Variants in TPR observed in about 807,000 individuals in gnomAD.
TPR encodes the protein translocated promoter region, nuclear basket protein.
In TPR, 51 loss-of-function variants were observed where a neutral mutation model predicts 316.1. The ratio of observed to expected loss-of-function variants is 0.16; its 90% CI spans 0.13 to 0.20. The LOEUF is 0.20. TPR is among the 10% of genes least tolerant of loss of function. The pLI, the probability that TPR is intolerant of heterozygous loss-of-function variation, is 1.00. For synonymous variants in TPR, 981 were observed against 914.7 expected (o/e 1.07, Z -1.31); for missense variants, 2,272 against 2,754.8 (o/e 0.82, Z 3.92).
chr1:186,343,195 C>G (rs528449429), intron 27 of TPR, 131 bp downstream of exon 27: 1 of 1,236,488 alleles, frequency 8.1e-7, no homozygotes, highest in East Asian at 2.4e-5. Flanking sequence ...TTAACAAATG[C>G]TTAATGAATT....
intron 46 of TPR, among the ~76,000 whole-genome samples, chr1:186,320,074 G>C (rs1430263016): frequency 6.6e-6 from 1 of 152,158 alleles, no homozygotes. Context: ...CCAGGAGCCA[G>C]AAGAGATACT....
chr1:186,358,870 CAG>C (rs1190254536), intron 12 of TPR, among the ~76,000 whole-genome samples: 1 of 152,070 alleles, frequency 6.6e-6, no homozygotes, highest in Non-Finnish European at 1.5e-5. Flanking sequence ...TCACTTTCAA[CAG>C]AGAGAAAAAT....
intron 36 of TPR, among the ~76,000 whole-genome samples, chr1:186,333,706 T>C (rs935606296): frequency 6.6e-6 from 1 of 152,172 alleles, no homozygotes; most frequent in Non-Finnish European, 1.5e-5. Context: ...TTAAGCATCA[T>C]TTAGTTTTTA....
intron 6 of TPR, 120 bp downstream of exon 6, chr1:186,362,717 A>T (rs1036723223): frequency 9.0e-6 from 8 of 886,474 alleles, no homozygotes; most frequent in Non-Finnish European, 1.3e-5. Flanking sequence ...TGCATTATTC[A>T]CATTTAACCA....
At chr1:186,355,332 T>C (rs1490343280) in intron 17 of TPR, 78 bp downstream of exon 17, 2 of 1,477,826 alleles carry the variant, frequency 1.4e-6, no homozygotes, top group East Asian at 2.3e-5. Context: ...TATTGCAAAT[T>C]AGCTCTTGAA....
intron 28 of TPR, 31 bp downstream of exon 28, chr1:186,341,221 T>C (rs1007804960): frequency 1.9e-6 from 3 of 1,613,240 alleles, no homozygotes; most frequent in African/African-American, 2.7e-5. Flanking sequence ...AAAAACAACA[T>C]GCTTCCACTC....
intron 1 of TPR, among the ~76,000 whole-genome samples, chr1:186,373,995 A>T (rs1020362275): frequency 1.3e-5 from 2 of 152,200 alleles, no homozygotes; most frequent in Non-Finnish European, 2.9e-5. Flanking sequence ...TTATGGTGCA[A>T]ATTAATAAAT....
At chr1:186,374,741 G>T in intron 1 of TPR, 137 bp downstream of exon 1, 1 of 886,988 alleles carries the variant, frequency 1.1e-6, no homozygotes, top group East Asian at 2.6e-5. Context: ...GCAGGAAAGC[G>T]AAGGCTCAGG....
intron 41 of TPR, 50 bp from the exon 42 acceptor site, chr1:186,325,904 A>C (rs1329844621): frequency 6.3e-7 from 1 of 1,593,964 alleles, no homozygotes; most frequent in Non-Finnish European, 8.6e-7. Flanking sequence ...AAATATGTTA[A>C]AAAAACCGGA....
At chr1:186,368,951 ACATT>A (rs1190957548) in intron 3 of TPR, among the ~76,000 whole-genome samples, 1 of 152,172 alleles carries the variant, frequency 6.6e-6, no homozygotes, top group Non-Finnish European at 1.5e-5. Context: ...CAAACATCCA[ACATT>A]CATTTCTTCA....
chr1:186,360,033 T>C, intron 11 of TPR, 37 bp from the exon 12 acceptor site: 3 of 1,575,824 alleles, frequency 1.9e-6, no homozygotes, highest in Non-Finnish European at 1.7e-6. Context: ...AATCTAACCA[T>C]AACAACGCAA....
intron 40 of TPR, among the ~76,000 whole-genome samples, chr1:186,326,880 A>G (rs960342055): frequency 2.1e-5 from 3 of 144,266 alleles, no homozygotes; most frequent in African/African-American, 5.1e-5. Context: ...AAAATGAAAC[A>G]AAATTTTAAA....
intron 2 of TPR, among the ~76,000 whole-genome samples, chr1:186,371,803 T>C (rs1044234329): frequency 2.0e-5 from 3 of 152,176 alleles, no homozygotes; most frequent in African/African-American, 7.2e-5. Flanking sequence ...TTCTATTTTG[T>C]TTTAATATTA....
Position 186,339,773 on chromosome 1 carries a change from C to A in TPR, c.4021-1G>T. The A allele has an allele frequency of 6.4e-7, 1 of 1,565,250 alleles. No individual in the cohort carries two copies. Among genetic ancestry groups the A allele is most frequent in the Non-Finnish European group, 8.6e-7 (1 of 1,161,410 alleles). Reference sequence around the variant, plus strand: ...GATCTTTCTGTTGACTTACTAGATGCTAGAATAACAAAAATGCATACTTGA... The same window carrying A: ...GATCTTTCTGTTGACTTACTAGATGATAGAATAACAAAAATGCATACTTGA... On this transcript the variant is annotated splice_acceptor_variant, in intron 29 of 50. Coordinates refer to ENST00000367478, the MANE Select transcript of TPR (RefSeq NM_003292.3). LOFTEE classifies it high-confidence loss of function.
chr1:186,370,787 C>T (rs948263669), intron 3 of TPR, among the ~76,000 whole-genome samples, 183 bp downstream of exon 3: 18 of 152,004 alleles, frequency 1.2e-4, no homozygotes, highest in African/African-American at 1.9e-4. Context: ...AAGAGATGTC[C>T]AATCTATCAA....
Position 186,312,501 on chromosome 1 carries a change from A to G in TPR, c.*1470T>C. ...TAATAATTTAAGCTTACTGATGAAA[A>G]ACTCATCCACTTGCCTTAGTGAATA... On this transcript the variant is annotated 3_prime_UTR_variant, in exon 51 of 51. Coordinates refer to ENST00000367478, the MANE Select transcript of TPR (RefSeq NM_003292.3). The G allele has an allele frequency of 1.0e-6, 1 of 986,722 alleles. No homozygotes were observed. Among genetic ancestry groups the G allele is most frequent in the Non-Finnish European group, 1.5e-6 (1 of 676,524 alleles). 61.1% of individuals were successfully genotyped at this position (986,722 alleles called of 1,614,324 possible).
chr1:186,354,024 T>A, intron 17 of TPR, 174 bp from the exon 18 acceptor site: 1 of 528,682 alleles, frequency 1.9e-6, no homozygotes, highest in Non-Finnish European at 3.2e-6. Flanking sequence ...TAGAAATAAC[T>A]CCAGGAACAG....
intron 39 of TPR, among the ~76,000 whole-genome samples, chr1:186,331,167 G>A (rs1020131519): frequency 6.6e-6 from 1 of 151,884 alleles, no homozygotes; most frequent in Non-Finnish European, 1.5e-5. Context: ...CCAGCAAATG[G>A]GGCACTATAA....
chr1:186,368,202 ATC>A (rs1270192938), intron 3 of TPR, among the ~76,000 whole-genome samples: 1 of 152,184 alleles, frequency 6.6e-6, no homozygotes, highest in Admixed American at 6.5e-5. Context: ...TTTTTCTCAT[ATC>A]TCTTTTAATC....
Sources: gnomAD v4.1 joint callset for allele counts (sites outside exome capture counted in the v4.1 genomes callset) on GRCh38, gnomAD v4.1.1 for gene constraint, MANE v1.5 for transcripts, NCBI Gene and HGNC (gene_info 2026-07-23, HGNC 2026-07-21) for gene names.